Variants in TOP2A observed in about 807,000 individuals in gnomAD.
The protein encoded by TOP2A is DNA topoisomerase 2-alpha.
In TOP2A, 68 loss-of-function variants were observed where a neutral mutation model predicts 187.2. The observed-to-expected ratio is 0.36, with a 90% CI of 0.30 to 0.44. The LOEUF (loss-of-function observed/expected upper bound fraction) is 0.44. Among genes scored for constraint, TOP2A ranks in the 20% least tolerant of loss-of-function variants. The pLI, the probability that TOP2A is intolerant of heterozygous loss-of-function variation, is 1.00. For synonymous variants in TOP2A, 542 were observed against 593.2 expected (o/e 0.91, Z 1.25); for missense variants, 1,196 against 1,808.7 (o/e 0.66, Z 6.14).
chr17:40,392,041 T>C (rs1223749029), intron 32 of TOP2A, 27 bp downstream of exon 32: 9 of 1,606,012 alleles, frequency 5.6e-6, no homozygotes, highest in South Asian at 1.1e-5. Flanking sequence ...AAGGCAGATG[T>C]CTCACTACTT....
chr17:40,389,929 T>C, intron 34 of TOP2A, 36 bp downstream of exon 34: 1 of 1,579,180 alleles, frequency 6.3e-7, no homozygotes, highest in Non-Finnish European at 8.6e-7. Flanking sequence ...TTTCAGAACA[T>C]CTACAGCAAA....
intron 20 of TOP2A, 52 bp downstream of exon 20, chr17:40,402,854 A>G: frequency 4.6e-6 from 7 of 1,535,060 alleles, no homozygotes; most frequent in Non-Finnish European, 5.3e-6. Context: ...TAAATCTCAC[A>G]TTGTTTCAAA....
chr17:40,415,179 C>T (rs538198959), intron 4 of TOP2A, among the ~76,000 whole-genome samples: 2 of 151,334 alleles, frequency 1.3e-5, no homozygotes, highest in East Asian at 2.0e-4. Context: ...CTCAGCCTCT[C>T]GAGTAGCTGG....
At chr17:40,401,460 A>C (rs1247298111) in intron 20 of TOP2A, among the ~76,000 whole-genome samples, 1 of 152,210 alleles carries the variant, frequency 6.6e-6, no homozygotes, top group Non-Finnish European at 1.5e-5. Flanking sequence ...CTGTAATCCC[A>C]GCACTTTGGG....
chr17:40,402,492 A>C (rs1407135099), intron 20 of TOP2A, among the ~76,000 whole-genome samples: 2 of 152,222 alleles, frequency 1.3e-5, no homozygotes, highest in Non-Finnish European at 2.9e-5. Flanking sequence ...GAACCAGAAG[A>C]GTCTACAGTC....
intron 10 of TOP2A, chr17:40,410,609 C>G (rs2035309550): frequency 2.2e-6 from 1 of 456,150 alleles, no homozygotes; most frequent in South Asian, 1.5e-5. Context: ...TGGTGAGAAG[C>G]TACTGCAGCA....
chr17:40,416,508 A>G lies in TOP2A; in HGVS notation c.182T>C (p.Met61Thr), dbSNP rs187674496. ...GCCAACATCTTCATCGTAAACCCAC[A>G]TTTGCTAGAAATAAGGCAAAGAAAT... ...IGSVELVTQQ[M>T]WVYDEDVGIN... Residue 61 changes from methionine (M) to threonine (T), a missense_variant, in exon 3 of 35, where the codon ATG (methionine) becomes ACG (threonine). Met to Thr is a moderately conservative substitution (Grantham distance 81). Around this residue, in one of 10 missense-constraint regions of TOP2A, gnomAD observed 97 missense variants for 171.0 expected, o/e 0.57. Coordinates refer to ENST00000423485, the MANE Select transcript of TOP2A (RefSeq NM_001067.4). The G allele has an allele frequency of 2.3e-5, 36 of 1,598,604 alleles. No homozygotes were observed. The Admixed American group carries it at 6.1e-4, about 27-fold the overall frequency.
intron 26 of TOP2A, 41 bp downstream of exon 26, chr17:40,398,732 A>C (rs772872388): frequency 5.0e-6 from 8 of 1,605,562 alleles, no homozygotes; most frequent in Non-Finnish European, 5.9e-6. Flanking sequence ...ATTAGAATAG[A>C]ACAAAACTAA....
At chr17:40,405,916 G>T (rs2143663200) in intron 16 of TOP2A, among the ~76,000 whole-genome samples, 1 of 151,698 alleles carries the variant, frequency 6.6e-6, no homozygotes, top group African/African-American at 2.4e-5. Flanking sequence ...ATAGCTGCGT[G>T]CCACCACGGC....
At chr17:40,417,466 G>T in intron 1 of TOP2A, 1 of 1,143,294 alleles carries the variant, frequency 8.7e-7, no homozygotes, top group Non-Finnish European at 1.2e-6. Context: ...GCATCTGTAC[G>T]CGCGACTCAA....
chr17:40,397,579 C>T (rs532950023), intron 27 of TOP2A, among the ~76,000 whole-genome samples: 1 of 152,068 alleles, frequency 6.6e-6, no homozygotes, highest in South Asian at 2.1e-4. Context: ...AGCCACCATG[C>T]CCTGTGGCTT....
chr17:40,413,319 T>C (rs1000954443), intron 5 of TOP2A, 27 bp from the exon 6 acceptor site: 94 of 1,524,690 alleles, frequency 6.2e-5, no homozygotes, highest in Admixed American at 8.0e-5. Flanking sequence ...GAAACACTAT[T>C]TTATTGTTAC....
intron 11 of TOP2A, 86 bp downstream of exon 11, chr17:40,408,406 G>C: frequency 7.4e-7 from 1 of 1,358,874 alleles, no homozygotes; most frequent in Non-Finnish European, 9.9e-7. Context: ...TCTGTCAAGG[G>C]AAAAATAAAT....
intron 27 of TOP2A, 34 bp from the exon 28 acceptor site, chr17:40,396,499 G>A: frequency 6.3e-7 from 1 of 1,587,886 alleles, no homozygotes; most frequent in Non-Finnish European, 8.6e-7. Flanking sequence ...AAGTTTAAAT[G>A]TTAACAAAAA....
At chr17:40,417,026 T>G in intron 1 of TOP2A, 131 bp from the exon 2 acceptor site, 1 of 796,082 alleles carries the variant, frequency 1.3e-6, no homozygotes, top group Non-Finnish European at 1.9e-6. Flanking sequence ...GTGGTGGAGT[T>G]GCCAGTTTTG....
chr17:40,388,634 CAT>C lies in TOP2A; in HGVS notation c.*883_*884del. 1 of 185,998 alleles carries C rather than the reference CAT, an allele frequency of 5.4e-6. No individual in the cohort carries two copies. 11.5% of individuals were successfully genotyped at this position (185,998 alleles called of 1,614,324 possible). On this transcript the variant is annotated 3_prime_UTR_variant, in exon 35 of 35. Transcript: ENST00000423485. ...TTGATAACATTACTCAAGTCACACA[CAT>C]ATAACAATGTAGACAGGTCTTAACA...
intron 10 of TOP2A, 195 bp from the exon 11 acceptor site, chr17:40,408,825 G>A (rs755892577): frequency 1.5e-6 from 1 of 689,286 alleles, no homozygotes; most frequent in Non-Finnish European, 2.6e-6. Flanking sequence ...GCTCCTTTTG[G>A]TTCATTCGTT....
chr17:40,406,801 T>C (rs778068635), intron 14 of TOP2A, 31 bp downstream of exon 14: 2 of 1,587,994 alleles, frequency 1.3e-6, no homozygotes, highest in Admixed American at 3.5e-5. Context: ...GGTCTTAAAA[T>C]ATCCATGATG....
chr17:40,388,952 G>A lies in TOP2A; in HGVS notation c.*567C>T. ...AAAGTGTTTTTCTTCGGCCTCTGATGATTTGAGAAGATGAAGAACATGAGC... is the reference window on the plus strand; with the variant it reads ...AAAGTGTTTTTCTTCGGCCTCTGATAATTTGAGAAGATGAAGAACATGAGC... On this transcript the variant is annotated 3_prime_UTR_variant, in exon 35 of 35. Coordinates refer to ENST00000423485, the MANE Select transcript of TOP2A (RefSeq NM_001067.4). 1 of 210,360 alleles carries A rather than the reference G, an allele frequency of 4.8e-6. No individual in the cohort carries two copies. Among genetic ancestry groups the A allele is most frequent in the Non-Finnish European group, 9.7e-6 (1 of 103,038 alleles). 13.0% of individuals were successfully genotyped at this position (210,360 alleles called of 1,614,324 possible).
Sources: gnomAD v4.1 joint callset for allele counts (sites outside exome capture counted in the v4.1 genomes callset) on GRCh38, gnomAD v4.1.1 for gene constraint, gnomAD v4.1.1 regional missense constraint, MANE v1.5 for transcripts, NCBI Gene and HGNC (gene_info 2026-07-23, HGNC 2026-07-21) for gene names.